Variants in PPP1R12B observed in about 807,000 individuals in gnomAD.
PPP1R12B encodes the protein myosin phosphatase target subunit 2.
PPP1R12B carries 76 observed loss-of-function variants against 126.1 expected under a neutral mutation model. The ratio of observed to expected loss-of-function variants is 0.60; its 90% CI spans 0.50 to 0.73. The LOEUF (loss-of-function observed/expected upper bound fraction) is 0.73. PPP1R12B is among the 30% of genes least tolerant of loss of function. The probability of loss-of-function intolerance (pLI) is 0.00; values close to 1 mark genes in which losing one functional copy is unlikely to be tolerated. For synonymous variants in PPP1R12B, 356 were observed against 434.7 expected (o/e 0.82, Z 2.25); for missense variants, 1,052 against 1,205.1 (o/e 0.87, Z 1.88).
intron 18 of PPP1R12B, among the ~76,000 whole-genome samples, chr1:202,543,630 G>A (rs1189717887): frequency 2.0e-5 from 3 of 152,012 alleles, no homozygotes; most frequent in Admixed American, 6.6e-5. Context: ...TAAGCTTTTC[G>A]GGAGGCTGAA....
At chr1:202,456,413 A>G (rs1345734244) in intron 13 of PPP1R12B, among the ~76,000 whole-genome samples, 2 of 152,174 alleles carry the variant, frequency 1.3e-5, no homozygotes, top group South Asian at 2.1e-4. Context: ...AATTCAGAAG[A>G]ATAATAGGGA....
intron 18 of PPP1R12B, among the ~76,000 whole-genome samples, chr1:202,506,899 A>G (rs1182031909): frequency 6.6e-6 from 1 of 152,218 alleles, no homozygotes. Context: ...CAGGGAATAC[A>G]GCGATGGGGG....
chr1:202,383,726 A>G (rs1352639418), intron 1 of PPP1R12B, among the ~76,000 whole-genome samples: 2 of 152,212 alleles, frequency 1.3e-5, no homozygotes, highest in African/African-American at 4.8e-5. Flanking sequence ...TGTGTCTCAA[A>G]AAAAAAGAAA....
At chr1:202,385,366 T>G (rs1223984857) in intron 1 of PPP1R12B, among the ~76,000 whole-genome samples, 2 of 152,208 alleles carry the variant, frequency 1.3e-5, no homozygotes, top group African/African-American at 4.8e-5. Flanking sequence ...TGAGGAAGTG[T>G]TGTGTTCTGT....
At position 202,423,431 on chromosome 1, in the gene PPP1R12B, A is replaced by G. The variant is rs1669082262; in HGVS notation, c.541+693A>G. Among the ~76,000 whole-genome samples the G allele has an allele frequency of 3.9e-5, 6 of 152,134 alleles. 1 individual carries two copies. The South Asian group carries it at 1.2e-3, about 31-fold the overall frequency. ...GATTTAGCTCCAGTGGTCTTTCCCA[A>G]TATGAACTTTTAGAACAGTCAGGGC... On this transcript the variant is annotated intron_variant, in intron 3 of 23. Coordinates refer to ENST00000608999, the MANE Select transcript of PPP1R12B (RefSeq NM_002481.4).
intron 4 of PPP1R12B, 136 bp downstream of exon 4, chr1:202,425,861 T>C (rs1669437792): frequency 1.3e-6 from 1 of 783,408 alleles, no homozygotes; most frequent in Non-Finnish European, 2.0e-6. Context: ...TGTGCAGTCT[T>C]TTCTCACATT....
At chr1:202,443,353 A>G (rs1018242178) in intron 12 of PPP1R12B, among the ~76,000 whole-genome samples, 1 of 152,184 alleles carries the variant, frequency 6.6e-6, no homozygotes, top group Admixed American at 6.5e-5. Context: ...AGCCTTCATC[A>G]TTAGGTTTTT....
Position 202,504,485 on chromosome 1 carries a change from G to A in PPP1R12B, c.2490+7663G>A, listed in dbSNP as rs186600510. Among the ~76,000 whole-genome samples, 505 of 152,104 alleles carry A rather than the reference G, an allele frequency of 3.3e-3. 3 individuals carry two copies. The highest frequency in any genetic ancestry group is 0.012 in the Admixed American group (178 of 15,270). On this transcript the variant is annotated intron_variant, in intron 18 of 23. Coordinates refer to ENST00000608999, the MANE Select transcript of PPP1R12B (RefSeq NM_002481.4). ...GTATATTAAAATTTGATTTCTCTGG[G>A]GTGGCTAGAATGACAGTTACAGACT...
intron 1 of PPP1R12B, among the ~76,000 whole-genome samples, chr1:202,350,315 G>T (rs1272063282): frequency 6.6e-6 from 1 of 152,070 alleles, no homozygotes; most frequent in Non-Finnish European, 1.5e-5. Flanking sequence ...TTTGCTGTTT[G>T]ATTTCATATG....
At chr1:202,446,106 G>A (rs1197117278) in intron 12 of PPP1R12B, among the ~76,000 whole-genome samples, 1 of 150,770 alleles carries the variant, frequency 6.6e-6, no homozygotes, top group African/African-American at 2.4e-5. Context: ...ATAATTATAG[G>A]TAAATTTATT....
chr1:202,504,943 A>G (rs932201797), intron 18 of PPP1R12B, among the ~76,000 whole-genome samples: 43 of 152,238 alleles, frequency 2.8e-4, no homozygotes, highest in Admixed American at 6.5e-5. Context: ...TTCCAAATCT[A>G]CAAGTTCCTA....
intron 18 of PPP1R12B, among the ~76,000 whole-genome samples, chr1:202,548,773 G>GCTGTCT (rs1281380705): frequency 9.4e-6 from 1 of 106,880 alleles, no homozygotes; most frequent in Non-Finnish European, 1.9e-5. Context: ...TCACTCGCTC[G>GCTGTCT]CTGTCTCTCT....
chr1:202,478,751 C>G (rs1163047712), intron 13 of PPP1R12B, among the ~76,000 whole-genome samples: 1 of 151,686 alleles, frequency 6.6e-6, no homozygotes, highest in African/African-American at 2.4e-5. Context: ...TCTGTTTTTT[C>G]CCCTGGGGAA....
At position 202,584,768 on chromosome 1, in the gene PPP1R12B, A is replaced by G. The variant is rs72750605; in HGVS notation, c.*4208A>G. On this transcript the variant is annotated 3_prime_UTR_variant, in exon 24 of 24. Transcript: ENST00000608999. ...CCAAAGGTGCAAAAAGGAAAAAGAA[A>G]GCAGAAAGGATTCAGCATTTAAGCA... is the stretch of plus-strand genomic sequence containing the variant. 4,655 of 152,340 alleles carry G rather than the reference A, an allele frequency of 0.031. 106 individuals carry two copies. Among genetic ancestry groups the G allele is most frequent in the Middle Eastern group, 0.088 (26 of 294 alleles). The allele number at this position is 152,340 out of a possible 1,614,324, so 9.4% of individuals were successfully genotyped here.
At chr1:202,453,601 A>G (rs529088580) in intron 13 of PPP1R12B, among the ~76,000 whole-genome samples, 1 of 152,338 alleles carries the variant, frequency 6.6e-6, no homozygotes, top group Non-Finnish European at 1.5e-5. Flanking sequence ...TGTAGTAAGT[A>G]TAAAAGATAC....
intron 2 of PPP1R12B, among the ~76,000 whole-genome samples, chr1:202,421,558 T>C (rs1454340538): frequency 6.6e-6 from 1 of 151,506 alleles, no homozygotes; most frequent in Non-Finnish European, 1.5e-5. Flanking sequence ...GGGAATTGCT[T>C]GAACCTGGAA....
At chr1:202,373,645 G>A (rs892537936) in intron 1 of PPP1R12B, among the ~76,000 whole-genome samples, 1 of 147,206 alleles carries the variant, frequency 6.8e-6, no homozygotes, top group Non-Finnish European at 1.5e-5. Flanking sequence ...ATTAATAATT[G>A]TGACAGAAGA....
intron 15 of PPP1R12B, among the ~76,000 whole-genome samples, chr1:202,494,136 G>C (rs1005498243): frequency 6.6e-6 from 1 of 152,190 alleles, no homozygotes; most frequent in Non-Finnish European, 1.5e-5. Context: ...TAGAAGAAAG[G>C]TATCTCCTTC....
chr1:202,464,715 G>A (rs1203568657), intron 13 of PPP1R12B, among the ~76,000 whole-genome samples: 1 of 152,126 alleles, frequency 6.6e-6, no homozygotes, highest in Non-Finnish European at 1.5e-5. Flanking sequence ...GAGATCTATA[G>A]GGAATATTAG....
Sources: allele counts gnomAD v4.1 joint callset (sites outside exome capture counted in the v4.1 genomes callset), GRCh38; gene constraint gnomAD v4.1.1; transcripts MANE v1.5; gene names NCBI Gene and HGNC (gene_info 2026-07-23, HGNC 2026-07-21).